IREB2: variants seen among roughly 807,000 people sequenced by gnomAD.
The protein encoded by IREB2 is iron responsive element binding protein 2, also known as iron-responsive element-binding protein 2.
IREB2 carries 39 observed loss-of-function variants against 118.8 expected under a neutral mutation model. The ratio of observed to expected loss-of-function variants is 0.33; its 90% confidence interval spans 0.25 to 0.43. The LOEUF (loss-of-function observed/expected upper bound fraction) is 0.43. Ranked by LOEUF, IREB2 falls within the 20% of genes least tolerant of loss-of-function variation. The probability of loss-of-function intolerance (pLI) is 1.00; values close to 1 mark genes in which losing one functional copy is unlikely to be tolerated. For missense variants in IREB2, 900 were observed against 1,147.3 expected, an observed-to-expected ratio of 0.78 and a Z score of 3.11; for synonymous variants, 372 against 392.2, an observed-to-expected ratio of 0.95 and a Z score of 0.61.
At chr15:78,473,564 A>G in intron 8 of IREB2, 183 bp downstream of exon 8, 1 of 567,310 alleles carries the variant, frequency 1.8e-6, no homozygotes. Context: ...ACTAATAAAT[A>G]CAAAGAAATT....
At chr15:78,450,429 TG>T (rs2051003638) in intron 2 of IREB2, among the ~76,000 whole-genome samples, 1 of 152,236 alleles carries the variant, frequency 6.6e-6, no homozygotes, top group South Asian at 2.1e-4. Flanking sequence ...AGGTGTGGGT[TG>T]GCCCACAGAT....
chr15:78,471,668 A>T, intron 6 of IREB2, 73 bp from the exon 7 acceptor site: 1 of 851,708 alleles, frequency 1.2e-6, no homozygotes, highest in Non-Finnish European at 1.7e-6. Context: ...TTTTAATGTT[A>T]ATATTACACC....
At chr15:78,457,894 TA>T (rs1164997423) in intron 2 of IREB2, among the ~76,000 whole-genome samples, 2 of 152,174 alleles carry the variant, frequency 1.3e-5, no homozygotes, top group Non-Finnish European at 2.9e-5. Flanking sequence ...AATGTTCTAT[TA>T]AAAAATTTTT....
chr15:78,494,786 T>C (rs562317447), intron 20 of IREB2, among the ~76,000 whole-genome samples: 2 of 152,206 alleles, frequency 1.3e-5, no homozygotes, highest in Non-Finnish European at 2.9e-5. Flanking sequence ...TTGCTCAGGC[T>C]GATCTTGAAC....
Position 78,490,748 on chromosome 15 carries a change from T to G in IREB2, c.2311T>G (p.Leu771Val), listed in dbSNP as rs1328186571. ...IARNSAAAKY[L>V]TNRGLTPREF... ...TAGGAATAGTGCTGCCGCTAAGTAT[T>G]TGACAAACAGAGGGTATGTGTACAT... Residue 771 changes from leucine to valine, a missense_variant, in exon 18 of 22, where the codon TTG becomes GTG. Leu to Val is a conservative substitution (Grantham distance 32, BLOSUM62 1). Transcript: ENST00000258886. The G allele has an allele frequency of 1.2e-6, 2 of 1,614,018 alleles. No individual in the cohort carries two copies. The highest frequency in any genetic ancestry group is 2.7e-5 in the African/African-American group (2 of 74,944).
chr15:78,448,477 A>G (rs1367515781), intron 2 of IREB2, among the ~76,000 whole-genome samples: 6 of 152,220 alleles, frequency 3.9e-5, no homozygotes. Context: ...AGAGAAAAAA[A>G]AGGTCAGAAT....
At chr15:78,443,842 C>T (rs11630115) in intron 2 of IREB2, among the ~76,000 whole-genome samples, 31,255 of 151,788 alleles carry the variant, frequency 0.21, 3,943 homozygotes, top group East Asian at 0.32. Flanking sequence ...GATGGAGTTT[C>T]GCCATATTAA....
chr15:78,491,860 A>G (rs1022303967), intron 18 of IREB2, among the ~76,000 whole-genome samples: 8 of 152,202 alleles, frequency 5.3e-5, no homozygotes, highest in Non-Finnish European at 1.2e-4. Flanking sequence ...TAAAGTGGTG[A>G]GAAATAAGTT....
chr15:78,466,343 G>A lies in IREB2; in HGVS notation c.483G>A (p.Val161=), dbSNP rs1457543808. The A allele has an allele frequency of 6.2e-7, 1 of 1,613,896 alleles. No individual in the cohort carries two copies. Among genetic ancestry groups the A allele is most frequent in the Non-Finnish European group, 8.5e-7 (1 of 1,179,922 alleles). The change falls in exon 5 of 22, where the codon GTG becomes GTA. Residue 161 remains valine, a synonymous_variant. Transcript: ENST00000258886. ...QKAGKLSPLK[V]QPKKLPCRGQ... Reference sequence around the variant, plus strand: ...CAGGAAAGCTCTCTCCACTTAAAGTGCAGCCTAAGAAGCTTCCCTGCAGAG... The same window carrying A: ...CAGGAAAGCTCTCTCCACTTAAAGTACAGCCTAAGAAGCTTCCCTGCAGAG...
At chr15:78,452,641 C>T (rs2051044728) in intron 2 of IREB2, among the ~76,000 whole-genome samples, 1 of 152,132 alleles carries the variant, frequency 6.6e-6, no homozygotes, top group Non-Finnish European at 1.5e-5. Context: ...GCATGGTGAC[C>T]CACACCTGTA....
chr15:78,465,447 A>G (rs973645854), intron 4 of IREB2, 59 bp downstream of exon 4: 1 of 1,439,684 alleles, frequency 6.9e-7, no homozygotes, highest in Middle Eastern at 1.8e-4. Context: ...GAAATGTGTC[A>G]TGTAGAGGAA....
At chr15:78,494,753 T>G (rs1021894520) in intron 20 of IREB2, among the ~76,000 whole-genome samples, 1 of 152,186 alleles carries the variant, frequency 6.6e-6, no homozygotes, top group African/African-American at 2.4e-5. Flanking sequence ...TTGTATTGTT[T>G]GTAGAGATCG....
At chr15:78,469,535 C>G (rs974779887) in intron 5 of IREB2, among the ~76,000 whole-genome samples, 2 of 149,552 alleles carry the variant, frequency 1.3e-5, no homozygotes, top group African/African-American at 5.1e-5. Context: ...ACCAGCCTGA[C>G]TAACATGGAG....
At chr15:78,468,074 G>C (rs896315142) in intron 5 of IREB2, among the ~76,000 whole-genome samples, 3 of 152,060 alleles carry the variant, frequency 2.0e-5, no homozygotes, top group African/African-American at 7.2e-5. Context: ...GACTGGTCTC[G>C]AACTCCTGGC....
chr15:78,485,978 C>T (rs2051653444), intron 13 of IREB2, 138 bp downstream of exon 13: 1 of 715,442 alleles, frequency 1.4e-6, no homozygotes, highest in East Asian at 2.7e-5. Flanking sequence ...CATTACCATA[C>T]AATTTTTGAT....
At chr15:78,466,753 G>A (rs1036805451) in intron 5 of IREB2, among the ~76,000 whole-genome samples, 9 of 151,950 alleles carry the variant, frequency 5.9e-5, no homozygotes, top group African/African-American at 1.9e-4. Flanking sequence ...TCTTTTTGAC[G>A]ACTGTAAGCA....
chr15:78,461,858 C>G (rs1479927675), intron 2 of IREB2, among the ~76,000 whole-genome samples: 2 of 152,140 alleles, frequency 1.3e-5, no homozygotes, highest in Non-Finnish European at 2.9e-5. Context: ...CTCTGAATAG[C>G]AGCACTAATG....
Position 78,488,901 on chromosome 15 carries a change from G to C in IREB2, c.2076+130G>C, listed in dbSNP as rs2141520354. ...TACAGTTTTTAATGTGTAATAGTAA[G>C]TTTGTATCTGGAATCTGTAGTTAAA... is the stretch of plus-strand genomic sequence containing the variant. On this transcript the variant is annotated intron_variant, in intron 16 of 21. Transcript: ENST00000258886. The C allele has an allele frequency of 5.4e-6, 3 of 559,258 alleles. No homozygotes were observed. In the South Asian group the frequency reaches 1.0e-4, roughly 19 times the overall value. The allele number at this position is 559,258 out of a possible 1,614,324, so 34.6% of individuals were successfully genotyped here.
chr15:78,469,656 G>A (rs1474899971), intron 5 of IREB2, among the ~76,000 whole-genome samples: 5 of 152,012 alleles, frequency 3.3e-5, no homozygotes, highest in African/African-American at 1.2e-4. Flanking sequence ...CCGGTAGGGC[G>A]GAGGTTGTAG....
Sources: gnomAD v4.1 joint callset for allele counts (sites outside exome capture counted in the v4.1 genomes callset) on GRCh38, gnomAD v4.1.1 for gene constraint, MANE v1.5 for transcripts, NCBI Gene and HGNC (gene_info 2026-07-23, HGNC 2026-07-21) for gene names.